PRSS36: variants seen among roughly 807,000 people sequenced by gnomAD.
PRSS36 encodes serine protease 36, also known as polyserase-2.
Under a neutral mutation model 94.3 loss-of-function variants are expected in PRSS36, and 90 were observed. That is an observed-to-expected ratio of 0.95 (90% CI 0.80 to 1.14). PRSS36 has a LOEUF of 1.14. PRSS36 is among the 50% of genes most tolerant of loss of function. PRSS36 has a pLI of 0.00. For missense variants in PRSS36, 1,158 were observed against 1,135.0 expected (o/e 1.02, Z -0.29); for synonymous variants, 500 against 489.6 (o/e 1.02, Z -0.28).
At chr16:31,149,305 G>A in intron 3 of PRSS36, 70 bp from the exon 4 acceptor site, 1 of 1,510,440 alleles carries the variant, frequency 6.6e-7, no homozygotes, top group Non-Finnish European at 8.9e-7. Context: ...GGTAACTCAG[G>A]ACGAAGGCCC....
chr16:31,141,982 GTTACTTGCCTC>G, intron 10 of PRSS36, 22 bp from the exon 11 acceptor site: 1 of 1,602,760 alleles, frequency 6.2e-7, no homozygotes, highest in Non-Finnish European at 8.5e-7. Context: ...AAGTGTGTGT[GTTACTTGCCTC>G]TGCGTGTGTG....
In PRSS36 at chr16:31,148,576, G is replaced by A; in HGVS notation, c.372C>T (p.Ala124=). 1 of 1,609,530 alleles carries A rather than the reference G, an allele frequency of 6.2e-7. No individual in the cohort carries two copies. Among genetic ancestry groups the A allele is most frequent in the Non-Finnish European group, 8.5e-7 (1 of 1,178,580 alleles). The change falls in exon 5 of 15, where the codon GCC becomes GCT. Residue 124 remains alanine (A), a synonymous_variant. Coordinates refer to ENST00000268281, the MANE Select transcript of PRSS36 (RefSeq NM_173502.5). The stretch of plus-strand genomic sequence containing the variant: ...GGCTGTAGTTGGCCGGCACCACGAT[G>A]GCGGCCACTGCGCGGGTGTGCGCGC... The part of the protein sequence containing the change: ...LDGAHTRAVA[A]IVVPANYSQV...
intron 5 of PRSS36, 133 bp downstream of exon 5, chr16:31,148,262 G>T: frequency 2.0e-6 from 2 of 992,976 alleles, no homozygotes; most frequent in Non-Finnish European, 2.8e-6. Flanking sequence ...CCACCGACCC[G>T]CAGAAACCTA....
intron 5 of PRSS36, among the ~76,000 whole-genome samples, chr16:31,146,188 G>A (rs2057797259): frequency 6.6e-6 from 1 of 152,236 alleles, no homozygotes; most frequent in South Asian, 2.1e-4. Context: ...TGGTTGTGCA[G>A]GTTGTGCACT....
Position 31,140,671 on chromosome 16 carries a change from C to A in PRSS36, c.1988G>T (p.Arg663Leu). The change falls in exon 13 of 15, where the codon CGC (arginine) becomes CTC (leucine). Residue 663 changes from arginine (R) to leucine (L), a missense_variant. Transcript: ENST00000268281. Reference protein sequence around the residue: ...SSLPQGHQVSRLVISIRLPQH... With the variant: ...SSLPQGHQVSLLVISIRLPQH... ...GGGCAGCCGGATGCTGATGACCAAG[C>A]GGGATACCTGGTGGCCCTGTGGGAG... 1 of 1,613,986 alleles carries A rather than the reference C, an allele frequency of 6.2e-7. No homozygotes were observed.
rs150721434 is a variant in PRSS36, at chr16:31,139,238, G to C, written c.2468C>G (p.Thr823Ser). 1,990 of 1,614,020 alleles carry C rather than the reference G, an allele frequency of 1.2e-3. 4 individuals carry two copies. The highest frequency in any genetic ancestry group is 1.6e-3 in the Non-Finnish European group (1,877 of 1,179,906). Residue 823 changes from threonine to serine, a missense_variant, in exon 15 of 15, where the codon ACT becomes AGT. Physicochemically the swap from Thr to Ser is moderately conservative, Grantham distance 58. Coordinates refer to ENST00000268281, the MANE Select transcript of PRSS36 (RefSeq NM_173502.5). Reference protein sequence around the residue: ...LPPSGSPHWPTGGSNLCPPEL... With the variant: ...LPPSGSPHWPSGGSNLCPPEL... ...TGGGGGGCAGAGATTGCTGCCTCCA[G>C]TGGGCCAGTGTGGGGAGCCACTGGG...
chr16:31,140,619 C>T lies in PRSS36; in HGVS notation c.2040G>A (p.Leu680=), dbSNP rs753036894. The T allele has an allele frequency of 5.6e-6, 9 of 1,611,828 alleles. No homozygotes were observed. In the Admixed American group the frequency reaches 1.3e-4, roughly 24 times the overall value. ...LPQHLGLRPP[L]ALLELSSRVE... ...CCCGGGAGCTCAGCTCCAGGAGGGC[C>T]AGGGGGGGCCTGAGTCCCAGGTGCT... The change falls in exon 13 of 15, where the codon CTG becomes CTA. Residue 680 remains leucine (L), a synonymous_variant. Coordinates refer to ENST00000268281, the MANE Select transcript of PRSS36 (RefSeq NM_173502.5).
rs1204273621 is a variant in PRSS36 at position 31,143,585 on chromosome 16, C to T, written c.970+3G>A. 1.2e-6 allele frequency: 2 copies of T among 1,614,060 alleles called. No homozygotes were observed. Among genetic ancestry groups the T allele is most frequent in the South Asian group, 1.1e-5 (1 of 91,080 alleles). ...CTTACATCCAGGGGTGCCGCCCACT[C>T]ACCAGGCAGGGCAATGGTGCAGTTC... is the stretch of plus-strand genomic sequence containing the variant. On this transcript the variant is annotated splice_donor_region_variant and intron_variant, in intron 7 of 14. Transcript: ENST00000268281.
At position 31,140,882 on chromosome 16, in the gene PRSS36, A is replaced by G. The variant is rs1484144058; in HGVS notation, c.1902-125T>C. On this transcript the variant is annotated intron_variant, in intron 12 of 14. Coordinates refer to ENST00000268281, the MANE Select transcript of PRSS36 (RefSeq NM_173502.5). ...ACTCCTTCATCATCCCTCCTTCCAAATCTCCCTTCTAGGTCAAAACATCTC... is the reference window on the plus strand; with the variant it reads ...ACTCCTTCATCATCCCTCCTTCCAAGTCTCCCTTCTAGGTCAAAACATCTC... The G allele has an allele frequency of 2.9e-6, 3 of 1,035,622 alleles. 1 individual carries two copies. The highest frequency in any genetic ancestry group is 3.2e-5 in the South Asian group (2 of 63,274). The allele number at this position is 1,035,622 out of a possible 1,614,324, so 64.2% of individuals were successfully genotyped here. A position where few individuals can be genotyped will look rare whatever the true frequency, so the allele number is the denominator to read the frequency against.
At position 31,142,611 on chromosome 16, in the gene PRSS36, GC is replaced by G; in HGVS notation, c.1390del (p.Ala464ArgfsTer4). 6.6e-7 allele frequency: 1 copy of G among 1,506,410 alleles called. No individual in the cohort carries two copies. The highest frequency in any genetic ancestry group is 8.8e-7 in the Non-Finnish European group (1 of 1,131,874). 93.3% of individuals were successfully genotyped at this position (1,506,410 alleles called of 1,614,324 possible). On this transcript the variant is annotated frameshift_variant, in exon 10 of 15. Coordinates refer to ENST00000268281, the MANE Select transcript of PRSS36 (RefSeq NM_173502.5). LOFTEE classifies it high-confidence loss of function. ...PALGPGALLE[A>X]ELLGGWWCHC... The stretch of plus-strand genomic sequence containing the variant: ...GCACCACCAGCCGCCTAACAGCTCC[GC>G]CTCCAGCAGCGCGCCTGGGCCAAGC...
Position 31,140,580 on chromosome 16 carries a change from T to C in PRSS36, c.2079A>G (p.Pro693=). The change falls in exon 13 of 15, where the codon CCA becomes CCG. Residue 693 remains proline, a synonymous_variant. Coordinates refer to ENST00000268281, the MANE Select transcript of PRSS36 (RefSeq NM_173502.5). ...LELSSRVEPS[P]SALPICLHPA... ...GGTGGAGACAGATGGGCAGGGCTGA[T>C]GGGGAGGGCTCCACCCGGGAGCTCA... 1 of 1,603,458 alleles carries C rather than the reference T, an allele frequency of 6.2e-7. No homozygotes were observed. The highest frequency in any genetic ancestry group is 1.7e-5 in the Admixed American group (1 of 59,030).
chr16:31,141,740 G>A lies in PRSS36; in HGVS notation c.1742C>T (p.Pro581Leu), dbSNP rs924887142. The A allele has an allele frequency of 1.9e-6, 3 of 1,613,464 alleles. No individual in the cohort carries two copies. The highest frequency in any genetic ancestry group is 1.7e-5 in the Admixed American group (1 of 59,998). ...GEETETQTCP[P>L]HTEHGACGLR... ...CTGCTCACCACCATGCTCTGTGTGT[G>A]GGGGACAAGTCTGTGTCTCAGTCTC... Residue 581 changes from proline (P) to leucine (L), a missense_variant, in exon 11 of 15, where the codon CCA (proline) becomes CTA (leucine). Coordinates refer to ENST00000268281, the MANE Select transcript of PRSS36 (RefSeq NM_173502.5).
At position 31,142,637 on chromosome 16, in the gene PRSS36, C is replaced by T; in HGVS notation, c.1365G>A (p.Ala455=). The part of the protein sequence containing the change: ...RLARWGRGEP[A]LGPGALLEAE... ...CCTCCAGCAGCGCGCCTGGGCCAAG[C>T]GCGGGTTCTGGAAGGGAAAAGGCAG... Residue 455 remains alanine (A), a synonymous_variant, in exon 10 of 15, where the codon GCG becomes GCA. Coordinates refer to ENST00000268281, the MANE Select transcript of PRSS36 (RefSeq NM_173502.5). 2.0e-6 allele frequency: 3 copies of T among 1,477,826 alleles called. No individual in the cohort carries two copies. The highest frequency in any genetic ancestry group is 2.7e-6 in the Non-Finnish European group (3 of 1,117,190). 91.5% of individuals were successfully genotyped at this position (1,477,826 alleles called of 1,614,324 possible).
chr16:31,146,937 G>A (rs544992820), intron 5 of PRSS36, among the ~76,000 whole-genome samples: 85 of 152,114 alleles, frequency 5.6e-4, no homozygotes, highest in Non-Finnish European at 1.1e-3. Context: ...AGCCTAGATC[G>A]CGCCGTTGCA....
In PRSS36 at chr16:31,139,140, A is replaced by C; in HGVS notation, c.2566T>G (p.Ter856GlyextTer43). 6.5e-7 allele frequency: 1 copy of C among 1,550,002 alleles called. No homozygotes were observed. Among genetic ancestry groups the C allele is most frequent in the Non-Finnish European group, 8.7e-7 (1 of 1,145,150 alleles). ...AGTGGTGCTGGGACCCTAGCCCCTC[A>C]GCTCTGGATCAGGAGAGTCAGCAGG... ...LLLLTLLIQS[*>G] Residue 856 changes from the stop codon to glycine, a stop_lost, in exon 15 of 15, where the codon TGA (stop) becomes GGA (glycine). Transcript: ENST00000268281.
Position 31,148,393 on chromosome 16 carries a change from A to T in PRSS36, c.553+2T>A, listed in dbSNP as rs751629725. The T allele has an allele frequency of 2.4e-5, 38 of 1,559,736 alleles. No individual in the cohort carries two copies. In the East Asian group the frequency reaches 8.9e-4, roughly 36 times the overall value. On this transcript the variant is annotated splice_donor_variant, in intron 5 of 14. Coordinates refer to ENST00000268281, the MANE Select transcript of PRSS36 (RefSeq NM_173502.5). LOFTEE classifies it high-confidence loss of function. The stretch of plus-strand genomic sequence containing the variant: ...CCTCCCCTCTTGTCCCGTCCCACTC[A>T]CCTGCCTCCTGGACGTCTCCCCAGC...
intron 6 of PRSS36, among the ~76,000 whole-genome samples, chr16:31,145,406 C>T (rs1380179284): frequency 6.8e-6 from 1 of 148,048 alleles, no homozygotes; most frequent in African/African-American, 2.5e-5. Context: ...AACTCCGTCT[C>T]AAAAAATAAA....
intron 4 of PRSS36, 169 bp from the exon 5 acceptor site, chr16:31,148,844 G>T (rs923309070): frequency 7.9e-6 from 8 of 1,007,002 alleles, no homozygotes; most frequent in Non-Finnish European, 1.0e-5. Flanking sequence ...GTGGTGGGGG[G>T]GTCATTGGAA....
Position 31,140,349 on chromosome 16 carries a change from A to C in PRSS36, c.2234T>G (p.Leu745Arg). 1 of 1,614,074 alleles carries C rather than the reference A, an allele frequency of 6.2e-7. No homozygotes were observed. The highest frequency in any genetic ancestry group is 8.5e-7 in the Non-Finnish European group (1 of 1,179,994). ...RICDCLYQGI[L>R]PPGTLCVLYA... ...CAGGACACAGAGGGTTCCAGGGGGC[A>C]GGATGCCCTGATAGAGGCAGTCACA... Residue 745 changes from leucine (L) to arginine (R), a missense_variant, in exon 14 of 15, where the codon CTG becomes CGG. Transcript: ENST00000268281.
Sources: allele counts gnomAD v4.1 joint callset (sites outside exome capture counted in the v4.1 genomes callset), GRCh38; gene constraint gnomAD v4.1.1; transcripts MANE v1.5; gene names NCBI Gene and HGNC (gene_info 2026-07-23, HGNC 2026-07-21).